Variants in SCAI observed in about 807,000 individuals in gnomAD.
SCAI encodes suppressor of cancer cell invasion.
Under a neutral mutation model 92.2 loss-of-function variants are expected in SCAI, and 24 were observed. The observed-to-expected ratio is 0.26, with a 90% CI of 0.19 to 0.37. The LOEUF is 0.37. Ranked by LOEUF, SCAI falls within the 10% of genes least tolerant of loss-of-function variation. The pLI is 1.00. For missense variants in SCAI, 450 were observed against 736.2 expected, an observed-to-expected ratio of 0.61 and a Z score of 4.50; for synonymous variants, 261 against 258.6, an observed-to-expected ratio of 1.01 and a Z score of -0.09.
At chr9:124,960,600 C>T (rs1831417861) in intron 17 of SCAI, among the ~76,000 whole-genome samples, 1 of 152,172 alleles carries the variant, frequency 6.6e-6, no homozygotes. Context: ...GAGTCAAGTT[C>T]ACGAACAGAT....
intron 17 of SCAI, among the ~76,000 whole-genome samples, chr9:124,956,989 A>ATTTTT (rs35575491): frequency 7.1e-6 from 1 of 141,192 alleles, no homozygotes; most frequent in Non-Finnish European, 1.5e-5. Flanking sequence ...GGTCAACTGT[A>ATTTTT]TTTTTTTTTT....
chr9:125,125,213 T>C (rs1835235573), intron 2 of SCAI, among the ~76,000 whole-genome samples: 1 of 151,348 alleles, frequency 6.6e-6, no homozygotes, highest in African/African-American at 2.4e-5. Flanking sequence ...AGAGCGAAAC[T>C]CTGTCTTAAA....
In SCAI at chr9:125,085,240, G is replaced by GCTTC. The variant is rs1419113372; in HGVS notation, c.99-29237_99-29234dup. On this transcript the variant is annotated intron_variant, in intron 2 of 17. Transcript: ENST00000336505. ...GGTGGCTTATGCCTGTAATCCCAGC[G>GCTTC]CTTCGGGAGGTTGAGGTGGGCGGAT... Among the ~76,000 whole-genome samples, 5 of 151,650 alleles carry GCTTC rather than the reference G, an allele frequency of 3.3e-5. No individual in the cohort carries two copies. In the East Asian group the frequency reaches 9.7e-4, roughly 30 times the overall value.
At chr9:125,140,194 G>C (rs971903544) in intron 2 of SCAI, among the ~76,000 whole-genome samples, 3 of 151,816 alleles carry the variant, frequency 2.0e-5, no homozygotes, top group Admixed American at 6.6e-5. Flanking sequence ...CTTGACAACA[G>C]AGCCAAGCCC....
At chr9:125,040,592 C>A (rs1564389570) in intron 3 of SCAI, among the ~76,000 whole-genome samples, 1 of 151,746 alleles carries the variant, frequency 6.6e-6, no homozygotes, top group Non-Finnish European at 1.5e-5. Context: ...TCCTGATGAA[C>A]ATTTATATTC....
chr9:124,953,332 A>G (rs957364228), intron 17 of SCAI, among the ~76,000 whole-genome samples: 20 of 152,164 alleles, frequency 1.3e-4, no homozygotes, highest in African/African-American at 4.8e-4. Flanking sequence ...TTGGAAATTA[A>G]AATGAGGCTG....
intron 12 of SCAI, 42 bp from the exon 13 acceptor site, chr9:125,000,032 C>G (rs368052697): frequency 2.3e-6 from 2 of 882,982 alleles, no homozygotes; most frequent in African/African-American, 3.4e-5. Context: ...CAGTTGAAGA[C>G]TAACACTGAC....
At chr9:124,987,610 C>T (rs16927806) in intron 14 of SCAI, among the ~76,000 whole-genome samples, 4,640 of 152,218 alleles carry the variant, frequency 0.03, 185 homozygotes, top group Admixed American at 0.09. Context: ...GGCAAAGTTT[C>T]CTCAAGTACA....
At chr9:124,999,129 C>G (rs28376784) in intron 13 of SCAI, among the ~76,000 whole-genome samples, 6 of 151,644 alleles carry the variant, frequency 4.0e-5, no homozygotes, top group African/African-American at 1.2e-4. Context: ...TGGCTCACAC[C>G]TGTAATCCCA....
At chr9:125,079,773 A>C (rs7042974) in intron 2 of SCAI, among the ~76,000 whole-genome samples, 20,153 of 151,972 alleles carry the variant, frequency 0.13, 1,431 homozygotes, top group East Asian at 0.23. Context: ...AAAAAAAAAA[A>C]CTGGTATTTC....
intron 2 of SCAI, among the ~76,000 whole-genome samples, chr9:125,127,152 T>C (rs1835295156): frequency 6.6e-6 from 1 of 152,162 alleles, no homozygotes; most frequent in African/African-American, 2.4e-5. Context: ...GAAATGGGCA[T>C]GTGTTGTACC....
At chr9:124,987,950 G>C (rs200430923) in intron 14 of SCAI, among the ~76,000 whole-genome samples, 3 of 151,904 alleles carry the variant, frequency 2.0e-5, no homozygotes, top group Non-Finnish European at 4.4e-5. Flanking sequence ...GTAACAGAGC[G>C]AGACTTCTTC....
At chr9:125,009,371 G>A (rs1832582622) in intron 9 of SCAI, among the ~76,000 whole-genome samples, 1 of 152,158 alleles carries the variant, frequency 6.6e-6, no homozygotes, top group South Asian at 2.1e-4. Flanking sequence ...CTGGGTCCAA[G>A]CAATTCTCCT....
At chr9:125,095,015 GACAA>G (rs1377959394) in intron 2 of SCAI, among the ~76,000 whole-genome samples, 2 of 152,194 alleles carry the variant, frequency 1.3e-5, no homozygotes, top group Non-Finnish European at 2.9e-5. Context: ...AGTTGTGACA[GACAA>G]ACAGATGTGT....
At chr9:125,092,900 C>A (rs1834465421) in intron 2 of SCAI, among the ~76,000 whole-genome samples, 1 of 152,248 alleles carries the variant, frequency 6.6e-6, no homozygotes, top group African/African-American at 2.4e-5. Flanking sequence ...CACACCAATT[C>A]ACTTTGTTCC....
chr9:125,082,414 GT>G (rs1834239922), intron 2 of SCAI, among the ~76,000 whole-genome samples: 1 of 152,254 alleles, frequency 6.6e-6, no homozygotes, highest in African/African-American at 2.4e-5. Flanking sequence ...TGCTAAGGCA[GT>G]TCAGAAAGGA....
At chr9:125,102,967 G>A (rs1834709138) in intron 2 of SCAI, among the ~76,000 whole-genome samples, 1 of 151,990 alleles carries the variant, frequency 6.6e-6, no homozygotes, top group Admixed American at 6.6e-5. Flanking sequence ...TTTTCATGAG[G>A]TTCCATCTTA....
At chr9:125,108,005 T>C (rs1349914315) in intron 2 of SCAI, among the ~76,000 whole-genome samples, 1 of 152,224 alleles carries the variant, frequency 6.6e-6, no homozygotes, top group Non-Finnish European at 1.5e-5. Context: ...CTGGTTTTCG[T>C]ATTTTTTTGG....
intron 3 of SCAI, among the ~76,000 whole-genome samples, chr9:125,055,038 T>A (rs1833635358): frequency 6.6e-6 from 1 of 152,300 alleles, no homozygotes; most frequent in East Asian, 1.9e-4. Context: ...ATAATTTTTT[T>A]AAAAGATAAA....
Sources: gnomAD v4.1 joint callset for allele counts (sites outside exome capture counted in the v4.1 genomes callset) on GRCh38, gnomAD v4.1.1 for gene constraint, MANE v1.5 for transcripts, NCBI Gene and HGNC (gene_info 2026-07-23, HGNC 2026-07-21) for gene names.